MAGI2: variants seen among roughly 807,000 people sequenced by gnomAD.
The protein encoded by MAGI2 is membrane-associated guanylate kinase, WW and PDZ domain-containing protein 2.
In MAGI2, 35 loss-of-function variants were observed where a neutral mutation model predicts 133.3. The ratio of observed to expected loss-of-function variants is 0.26; its 90% CI spans 0.20 to 0.35. The LOEUF is 0.35. Ranked by LOEUF, MAGI2 falls within the 10% of genes least tolerant of loss-of-function variation. The pLI is 1.00. For synonymous variants in MAGI2, 729 were observed against 710.6 expected (o/e 1.03, Z -0.41); for missense variants, 1,636 against 1,863.4 (o/e 0.88, Z 2.25).
chr7:79,090,337 A>G (rs2129542496), intron 1 of MAGI2, among the ~76,000 whole-genome samples: 1 of 152,148 alleles, frequency 6.6e-6, no homozygotes. Flanking sequence ...CTTGATTTTT[A>G]TAAAAATGTC....
intron 6 of MAGI2, among the ~76,000 whole-genome samples, chr7:78,384,584 G>T (rs947866382): frequency 2.0e-5 from 3 of 151,988 alleles, no homozygotes; most frequent in Non-Finnish European, 2.9e-5. Context: ...GAATGTTTTG[G>T]GGTGAATTTA....
intron 2 of MAGI2, among the ~76,000 whole-genome samples, chr7:78,828,292 T>TA (rs1439192391): frequency 2.6e-5 from 4 of 152,210 alleles, no homozygotes; most frequent in Non-Finnish European, 4.4e-5. Flanking sequence ...TAACAAACAT[T>TA]ACCTCAGTTG....
At chr7:78,933,291 G>A (rs1386987289) in intron 2 of MAGI2, among the ~76,000 whole-genome samples, 1 of 152,000 alleles carries the variant, frequency 6.6e-6, no homozygotes, top group Non-Finnish European at 1.5e-5. Flanking sequence ...ATGTGACCAG[G>A]GTATCTTAGA....
chr7:79,200,036 G>GC (rs931738482), intron 1 of MAGI2, among the ~76,000 whole-genome samples: 19 of 151,510 alleles, frequency 1.3e-4, no homozygotes, highest in Admixed American at 6.6e-5. Context: ...TCCTGATCCA[G>GC]CCCCAGCTGC....
intron 2 of MAGI2, among the ~76,000 whole-genome samples, chr7:78,931,160 A>C (rs1372419443): frequency 1.3e-5 from 2 of 152,136 alleles, no homozygotes; most frequent in East Asian, 3.9e-4. Flanking sequence ...CAGCCAGACT[A>C]GGATGGCTAT....
At chr7:78,403,281 G>C (rs1797068322) in intron 6 of MAGI2, among the ~76,000 whole-genome samples, 1 of 152,106 alleles carries the variant, frequency 6.6e-6, no homozygotes, top group African/African-American at 2.4e-5. Context: ...ATACTTTGCT[G>C]AGAATGATTG....
chr7:78,078,824 C>T (rs777288376), intron 21 of MAGI2, 123 bp downstream of exon 21: 1 of 900,228 alleles, frequency 1.1e-6, no homozygotes. Flanking sequence ...ATATATATAC[C>T]TATTGATAGC....
At chr7:79,447,523 C>T (rs142320959) in intron 1 of MAGI2, among the ~76,000 whole-genome samples, 5 of 151,818 alleles carry the variant, frequency 3.3e-5, no homozygotes, top group African/African-American at 4.8e-5. Context: ...ATTAATTCAA[C>T]GAAAATGCTA....
intron 10 of MAGI2, among the ~76,000 whole-genome samples, chr7:78,233,176 T>TG (rs1337727370): frequency 6.6e-6 from 1 of 152,080 alleles, no homozygotes; most frequent in Non-Finnish European, 1.5e-5. Flanking sequence ...TACAATCATG[T>TG]GGGTGGTCAT....
chr7:79,427,940 A>G (rs1278206207), intron 1 of MAGI2, among the ~76,000 whole-genome samples: 1 of 152,190 alleles, frequency 6.6e-6, no homozygotes, highest in African/African-American at 2.4e-5. Flanking sequence ...GGGAAAAACA[A>G]GAATTATTAC....
At chr7:78,742,740 T>A (rs1822551879) in intron 2 of MAGI2, among the ~76,000 whole-genome samples, 1 of 152,196 alleles carries the variant, frequency 6.6e-6, no homozygotes. Context: ...TCCTCTTAAA[T>A]TTGTAGCTTG....
chr7:78,468,277 A>G (rs1790842686), intron 6 of MAGI2, among the ~76,000 whole-genome samples: 1 of 152,114 alleles, frequency 6.6e-6, no homozygotes, highest in South Asian at 2.1e-4. Flanking sequence ...GGTTCCCTTG[A>G]CTATCACTTT....
rs117838408 is a variant in MAGI2 at position 78,156,829 on chromosome 7, A to C, written c.2845+3196T>G. Among the ~76,000 whole-genome samples the C allele has an allele frequency of 1.1e-3, 121 of 112,752 alleles. No individual in the cohort carries two copies. In the East Asian group the frequency reaches 0.017, roughly 16 times the overall value. The allele number at this position is 112,752 out of a possible 152,430, so 74.0% of individuals were successfully genotyped here. On this transcript the variant is annotated intron_variant, in intron 16 of 21. Transcript: ENST00000354212. ...AAGCCACGAAAAAAAAAACAAACCC[A>C]AAAAAAAACCCCAAAAAACAAAAAC...
At chr7:78,201,740 A>G (rs1226025165) in intron 10 of MAGI2, among the ~76,000 whole-genome samples, 1 of 152,182 alleles carries the variant, frequency 6.6e-6, no homozygotes, top group Non-Finnish European at 1.5e-5. Context: ...GATGGGGCAG[A>G]TTTCTATCTT....
At chr7:78,032,339 C>T (rs189575276) in intron 21 of MAGI2, among the ~76,000 whole-genome samples, 4 of 152,188 alleles carry the variant, frequency 2.6e-5, no homozygotes, top group African/African-American at 4.8e-5. Context: ...CTCAGCCTCC[C>T]GAGTAGCTGG....
chr7:78,293,400 A>T (rs1188702774), intron 9 of MAGI2, among the ~76,000 whole-genome samples: 1 of 152,200 alleles, frequency 6.6e-6, no homozygotes, highest in African/African-American at 2.4e-5. Context: ...ATCTCACACC[A>T]GTTAGAATGG....
chr7:78,230,653 T>C (rs1419465184), intron 10 of MAGI2, among the ~76,000 whole-genome samples: 1 of 152,196 alleles, frequency 6.6e-6, no homozygotes, highest in African/African-American at 2.4e-5. Context: ...TATTGAGACT[T>C]TGAGGGGCAG....
intron 10 of MAGI2, chr7:78,253,207 T>C (rs979361304): frequency 1.1e-4 from 16 of 151,718 alleles, no homozygotes; most frequent in African/African-American, 3.6e-4. Flanking sequence ...GAAAATGGAG[T>C]GTATCTGTAC....
rs1162469418 is a variant in MAGI2, at chr7:78,256,311, T to C, written c.1679A>G (p.Asp560Gly). 1.2e-6 allele frequency: 2 copies of C among 1,614,116 alleles called. No individual in the cohort carries two copies. The highest frequency in any genetic ancestry group is 3.3e-5 in the Admixed American group (2 of 60,016). ...AGAATGAGGCGGCCGATCTGTTATA[T>C]CTGGAACTGACTGTGAGGTCCGAGA... ...YISRTSQSVP[D>G]ITDRPPHSLH... The change falls in exon 10 of 22, where the codon GAT becomes GGT. Residue 560 changes from aspartate to glycine, a missense_variant. Physicochemically the swap from Asp to Gly is moderately conservative, Grantham distance 94 (BLOSUM62 -1). Around this residue, in one of 5 missense-constraint regions of MAGI2, gnomAD observed 920 missense variants for 1,093.5 expected, o/e 0.84. Transcript: ENST00000354212.
Sources: gnomAD v4.1 joint callset for allele counts (sites outside exome capture counted in the v4.1 genomes callset) on GRCh38, gnomAD v4.1.1 for gene constraint, gnomAD v4.1.1 regional missense constraint, MANE v1.5 for transcripts, NCBI Gene and HGNC (gene_info 2026-07-23, HGNC 2026-07-21) for gene names.